DLGAP2: variants seen among roughly 807,000 people sequenced by gnomAD.
The protein encoded by DLGAP2 is disks large-associated protein 2.
In DLGAP2, 26 loss-of-function variants were observed where a neutral mutation model predicts 100.3. The observed-to-expected ratio is 0.26, with a 90% CI of 0.19 to 0.36. The LOEUF is 0.36. DLGAP2 is among the 10% of genes least tolerant of loss of function. The probability of loss-of-function intolerance (pLI) is 1.00; values close to 1 mark genes in which losing one functional copy is unlikely to be tolerated. For missense variants in DLGAP2, 1,858 were observed against 1,453.2 expected, an observed-to-expected ratio of 1.28 and a Z score of -4.53; for synonymous variants, 886 against 630.1, an observed-to-expected ratio of 1.41 and a Z score of -6.08.
chr8:1,286,599 C>T (rs989251721), intron 3 of DLGAP2, among the ~76,000 whole-genome samples: 1 of 152,190 alleles, frequency 6.6e-6, no homozygotes, highest in Non-Finnish European at 1.5e-5. Context: ...CCATACCCTC[C>T]TCTGCTGCTG....
chr8:1,261,395 G>A (rs1799346734), intron 3 of DLGAP2, among the ~76,000 whole-genome samples: 1 of 149,858 alleles, frequency 6.7e-6, no homozygotes, highest in African/African-American at 2.5e-5. Flanking sequence ...GAGACAGACT[G>A]GGAGGGCAGG....
At chr8:850,911 C>G (rs936238692) in intron 1 of DLGAP2, among the ~76,000 whole-genome samples, 2 of 152,014 alleles carry the variant, frequency 1.3e-5, no homozygotes, top group African/African-American at 4.8e-5. Flanking sequence ...GTCTTTCACT[C>G]TCTCTGTTTT....
intron 1 of DLGAP2, among the ~76,000 whole-genome samples, chr8:808,439 G>A (rs1438566838): frequency 6.6e-6 from 1 of 152,196 alleles, no homozygotes; most frequent in Non-Finnish European, 1.5e-5. Flanking sequence ...TCAGTCCTAG[G>A]AGAGGGAGTA....
intron 4 of DLGAP2, among the ~76,000 whole-genome samples, chr8:1,545,778 T>C (rs902745023): frequency 2.0e-5 from 3 of 152,256 alleles, no homozygotes; most frequent in Admixed American, 1.3e-4. Context: ...ACATGTGGCA[T>C]AATCAAATTT....
At chr8:1,276,210 TC>T (rs1242346717) in intron 3 of DLGAP2, among the ~76,000 whole-genome samples, 6 of 147,678 alleles carry the variant, frequency 4.1e-5, no homozygotes, top group South Asian at 2.1e-4. Flanking sequence ...CAATCAACAC[TC>T]CCCCCCCGAC....
chr8:1,221,527 C>A (rs932760699), intron 2 of DLGAP2, among the ~76,000 whole-genome samples: 1 of 152,046 alleles, frequency 6.6e-6, no homozygotes, highest in African/African-American at 2.4e-5. Flanking sequence ...CTGCATTTAG[C>A]ATTTTTTTTT....
chr8:1,649,832 C>A (rs774828815), intron 8 of DLGAP2, among the ~76,000 whole-genome samples: 7 of 151,952 alleles, frequency 4.6e-5, no homozygotes, highest in African/African-American at 1.7e-4. Context: ...ATATTTGTAT[C>A]TCTATTTATT....
At chr8:1,250,911 G>C (rs1054785599) in intron 2 of DLGAP2, among the ~76,000 whole-genome samples, 14 of 152,198 alleles carry the variant, frequency 9.2e-5, no homozygotes, top group African/African-American at 3.1e-4. Context: ...TTGTTGTGTT[G>C]TCTTCATTTG....
At chr8:1,023,863 G>A (rs931398432) in intron 2 of DLGAP2, among the ~76,000 whole-genome samples, 10 of 139,948 alleles carry the variant, frequency 7.1e-5, no homozygotes, top group African/African-American at 3.1e-4. Context: ...ATATATGTGT[G>A]TGTGTGTGTG....
At chr8:1,344,444 A>G (rs1258311210) in intron 3 of DLGAP2, among the ~76,000 whole-genome samples, 1 of 152,174 alleles carries the variant, frequency 6.6e-6, no homozygotes, top group Non-Finnish European at 1.5e-5. Context: ...CCATGTGGGT[A>G]AAAGTCGGGA....
At chr8:1,417,131 G>GCGTCTGAGGGTGGGGAGGC (rs1563133641) in intron 3 of DLGAP2, among the ~76,000 whole-genome samples, 1 of 151,966 alleles carries the variant, frequency 6.6e-6, no homozygotes, top group African/African-American at 2.4e-5. Context: ...CATTCATTTA[G>GCGTCTGAGGGTGGGGAGGC]CGTCTGAGGC....
chr8:1,192,963 G>C (rs1283069677), intron 2 of DLGAP2, among the ~76,000 whole-genome samples: 1 of 151,958 alleles, frequency 6.6e-6, no homozygotes, highest in East Asian at 1.9e-4. Context: ...GAGAATGATG[G>C]TTTCCAGCTT....
chr8:856,880 A>T (rs1797289077), intron 1 of DLGAP2, among the ~76,000 whole-genome samples: 1 of 152,226 alleles, frequency 6.6e-6, no homozygotes, highest in Non-Finnish European at 1.5e-5. Flanking sequence ...ATTGATCCTA[A>T]AGGTTACATG....
At chr8:801,732 T>G (rs1796155858) in intron 1 of DLGAP2, among the ~76,000 whole-genome samples, 1 of 152,148 alleles carries the variant, frequency 6.6e-6, no homozygotes, top group African/African-American at 2.4e-5. Flanking sequence ...CAATGTGACT[T>G]TCAGCTCATT....
intron 2 of DLGAP2, among the ~76,000 whole-genome samples, chr8:916,299 C>T (rs1237549116): frequency 3.9e-5 from 6 of 152,176 alleles, no homozygotes; most frequent in Admixed American, 1.3e-4. Flanking sequence ...ATGAAACCAT[C>T]GGATTAAGAA....
At position 948,024 on chromosome 8, in the gene DLGAP2, G is replaced by A. The variant is rs2654026; in HGVS notation, c.73+40058G>A. 6.8e-3 allele frequency among the ~76,000 whole-genome samples: 1,027 copies of A among 150,316 alleles called. 10 individuals carry two copies. The highest frequency in any genetic ancestry group is 0.011 in the African/African-American group (460 of 40,844). ...TGTGCGCCATGGCTCCCCCGACCCCGTGCCAGCCCGCGTGCGTCATGACCC... is the reference window on the plus strand; with the variant it reads ...TGTGCGCCATGGCTCCCCCGACCCCATGCCAGCCCGCGTGCGTCATGACCC... On this transcript the variant is annotated intron_variant, in intron 2 of 14. Coordinates refer to ENST00000637795, the MANE Select transcript of DLGAP2 (RefSeq NM_001346810.2).
Position 943,239 on chromosome 8 carries a change from C to T in DLGAP2, c.73+35273C>T, listed in dbSNP as rs561807816. Among the ~76,000 whole-genome samples the T allele has an allele frequency of 2.0e-5, 3 of 152,250 alleles. No homozygotes were observed. In the South Asian group the frequency reaches 6.2e-4, roughly 32 times the overall value. On this transcript the variant is annotated intron_variant, in intron 2 of 14. Transcript: ENST00000637795. ...CAGGATGGCCACTTTTCCAGGCAGC[C>T]TTTCTAGGGATCGCATTCTCAGGCT...
At chr8:1,100,036 A>G (rs1804523601) in intron 2 of DLGAP2, among the ~76,000 whole-genome samples, 1 of 152,212 alleles carries the variant, frequency 6.6e-6, no homozygotes, top group South Asian at 2.1e-4. Flanking sequence ...TGAATTGCAC[A>G]CTGTTCTTAG....
At chr8:839,115 A>G (rs1007432991) in intron 1 of DLGAP2, among the ~76,000 whole-genome samples, 1 of 152,208 alleles carries the variant, frequency 6.6e-6, no homozygotes, top group Non-Finnish European at 1.5e-5. Flanking sequence ...GAGAAAAGGG[A>G]ACCCTAGTGC....
Sources: gnomAD v4.1 joint callset for allele counts (sites outside exome capture counted in the v4.1 genomes callset) on GRCh38, gnomAD v4.1.1 for gene constraint, MANE v1.5 for transcripts, NCBI Gene and HGNC (gene_info 2026-07-23, HGNC 2026-07-21) for gene names.